METTL27: variants seen among roughly 807,000 people sequenced by gnomAD.
The protein encoded by METTL27 is methyltransferase-like protein 27.
METTL27 carries 29 observed loss-of-function variants against 24.5 expected under a neutral mutation model. The observed-to-expected ratio is 1.18, with a 90% CI of 0.88 to 1.61. The LOEUF is 1.61. Ranked by LOEUF, METTL27 falls within the 40% of genes most tolerant of loss-of-function variation. The probability of loss-of-function intolerance (pLI) is 0.00; values close to 1 mark genes in which losing one functional copy is unlikely to be tolerated. For missense variants in METTL27, 341 were observed against 324.3 expected (o/e 1.05, Z -0.40); for synonymous variants, 138 against 146.8 (o/e 0.94, Z 0.43).
At chr7:73,838,552 G>T (rs1441133909) in intron 5 of METTL27, among the ~76,000 whole-genome samples, 1 of 152,196 alleles carries the variant, frequency 6.6e-6, no homozygotes, top group Non-Finnish European at 1.5e-5. Context: ...GCAGGGTGTT[G>T]CTGATAGAAG....
chr7:73,839,993 G>T (rs1163835801), intron 5 of METTL27, 38 bp downstream of exon 5: 1 of 1,571,980 alleles, frequency 6.4e-7, no homozygotes, highest in Non-Finnish European at 8.7e-7. Context: ...GGTATATGGT[G>T]ACGGGGGTTG....
rs2130559437 is a variant in METTL27, at chr7:73,840,931, C to T, written c.252+139G>A. ...CTGCCTCGGCCTCCCATAGTGTGAG[C>T]CACAGTATGCCTGGTCCTGTCTCAT... On this transcript the variant is annotated intron_variant, in intron 3 of 5. Transcript: ENST00000297873. 3.8e-6 allele frequency: 5 copies of T among 1,299,324 alleles called. No individual in the cohort carries two copies. The South Asian group carries it at 5.7e-5, about 15-fold the overall frequency. 80.5% of individuals were successfully genotyped at this position (1,299,324 alleles called of 1,614,324 possible).
At chr7:73,838,666 C>T (rs781917232) in intron 5 of METTL27, among the ~76,000 whole-genome samples, 7 of 152,194 alleles carry the variant, frequency 4.6e-5, no homozygotes, top group African/African-American at 7.2e-5. Flanking sequence ...CTAGGAAGTC[C>T]GATCCTGGCT....
chr7:73,841,346 G>A, intron 2 of METTL27, 148 bp from the exon 3 acceptor site: 1 of 1,236,452 alleles, frequency 8.1e-7, no homozygotes, highest in Non-Finnish European at 1.1e-6. Flanking sequence ...GCCCAGGCAT[G>A]AGGTGCTTCC....
At position 73,841,201 on chromosome 7, in the gene METTL27, G is replaced by T; in HGVS notation, c.124-3C>A. ...CGGTACAGCAGGGTGGCCACATCCTGGGGAAAGAGTGCCGGGCCTACAACA... is the reference window on the plus strand; with the variant it reads ...CGGTACAGCAGGGTGGCCACATCCTTGGGAAAGAGTGCCGGGCCTACAACA... On this transcript the variant is annotated splice_polypyrimidine_tract_variant and splice_region_variant and intron_variant, in intron 2 of 5. Transcript: ENST00000297873. 2 of 1,557,934 alleles carry T rather than the reference G, an allele frequency of 1.3e-6. No homozygotes were observed. Among genetic ancestry groups the T allele is most frequent in the East Asian group, 2.5e-5 (1 of 40,018 alleles).
In METTL27 at chr7:73,842,052, T is replaced by C. The variant is rs201986858; in HGVS notation, c.89A>G (p.His30Arg). 4 of 1,613,962 alleles carry C rather than the reference T, an allele frequency of 2.5e-6. No homozygotes were observed. In the Admixed American group the frequency reaches 6.7e-5, roughly 27 times the overall value. The stretch of plus-strand genomic sequence containing the variant: ...GTCCGGAGCCCAGCGGTCATAGAAA[T>C]GGAGCTTTTGGGCCAGGTCGGGGAT... ...HGIPDLAQKL[H>R]FYDRWAPDYD... Residue 30 changes from histidine to arginine, a missense_variant, in exon 2 of 6, where the codon CAT becomes CGT. Coordinates refer to ENST00000297873, the MANE Select transcript of METTL27 (RefSeq NM_152559.3).
At chr7:73,839,639 G>C (rs1291800807) in intron 5 of METTL27, 2 of 186,410 alleles carry the variant, frequency 1.1e-5, no homozygotes, top group Non-Finnish European at 2.2e-5. Flanking sequence ...AGCAGTGAGA[G>C]GAAGGAACAG....
At chr7:73,840,807 C>T (rs1788332515) in intron 3 of METTL27, among the ~76,000 whole-genome samples, 1 of 152,144 alleles carries the variant, frequency 6.6e-6, no homozygotes, top group Admixed American at 6.5e-5. Flanking sequence ...TACAGGCGTG[C>T]ACCACCCTGC....
chr7:73,841,134 G>T lies in METTL27; in HGVS notation c.188C>A (p.Pro63Gln). The T allele has an allele frequency of 6.5e-7, 1 of 1,539,550 alleles. No homozygotes were observed. Among genetic ancestry groups the T allele is most frequent in the Non-Finnish European group, 8.7e-7 (1 of 1,153,268 alleles). ...GATCAGGGCACTGTGGGGCGGGCCT[G>T]GAAGGGCTTGTGTGAGGCAGTCCAC... Reference protein sequence around the residue: ...LAVDCLTQALPGPPHSALILD... With the variant: ...LAVDCLTQALQGPPHSALILD... Residue 63 changes from proline (P) to glutamine (Q), a missense_variant, in exon 3 of 6, where the codon CCA (proline) becomes CAA (glutamine). By Grantham distance (76) the Pro-to-Gln change is moderately conservative. Transcript: ENST00000297873.
Position 73,834,590 on chromosome 7 carries a change from T to C in METTL27, c.*153A>G. 1.5e-6 allele frequency: 1 copy of C among 667,264 alleles called. No individual in the cohort carries two copies. The highest frequency in any genetic ancestry group is 2.5e-6 in the Non-Finnish European group (1 of 394,500). The allele number at this position is 667,264 out of a possible 1,614,324, so 41.3% of individuals were successfully genotyped here. ...GAACCCACAGGAACAGATGCCACTGTTTTCTGGGAGCTCATTTAATAGGCA... is the reference window on the plus strand; with the variant it reads ...GAACCCACAGGAACAGATGCCACTGCTTTCTGGGAGCTCATTTAATAGGCA... On this transcript the variant is annotated 3_prime_UTR_variant, in exon 6 of 6. Transcript: ENST00000297873.
At position 73,834,948 on chromosome 7, in the gene METTL27, TC is replaced by T. The variant is rs781937867; in HGVS notation, c.532del (p.Glu178ArgfsTer66). 2 of 1,613,644 alleles carry T rather than the reference TC, an allele frequency of 1.2e-6. No homozygotes were observed. The highest frequency in any genetic ancestry group is 1.7e-6 in the Non-Finnish European group (2 of 1,179,936). On this transcript the variant is annotated frameshift_variant, in exon 6 of 6. Coordinates refer to ENST00000297873, the MANE Select transcript of METTL27 (RefSeq NM_152559.3). LOFTEE classifies it high-confidence loss of function. The stretch of plus-strand genomic sequence containing the variant: ...CCTGTCCAGGGTGGCCTCCAGAGCC[TC>T]CTTGTATTGAAGGTTGGACGAGTTG... ...RTNSSNLQYK[E>X]ALEATLDRLE...
chr7:73,841,743 G>C (rs554028396), intron 2 of METTL27, among the ~76,000 whole-genome samples: 4 of 152,262 alleles, frequency 2.6e-5, no homozygotes, highest in Non-Finnish European at 5.9e-5. Flanking sequence ...CTCCCAAAGG[G>C]CTTAGGATTA....
intron 5 of METTL27, among the ~76,000 whole-genome samples, chr7:73,838,247 G>T (rs188657435): frequency 2.6e-4 from 40 of 152,302 alleles, no homozygotes; most frequent in Admixed American, 2.4e-3. Context: ...GACTGTGTCT[G>T]AATGGACAGG....
chr7:73,836,516 A>AG (rs1788203254), intron 5 of METTL27, among the ~76,000 whole-genome samples: 1 of 54,278 alleles, frequency 1.8e-5, no homozygotes, highest in Non-Finnish European at 3.6e-5. Context: ...CAGCCGCCCC[A>AG]TCCGGGAGGG....
chr7:73,837,871 A>T (rs999749068), intron 5 of METTL27, among the ~76,000 whole-genome samples: 9 of 150,168 alleles, frequency 6.0e-5, no homozygotes, highest in Non-Finnish European at 8.9e-5. Context: ...CTTTCTTGAG[A>T]TAGGATCTCA....
At chr7:73,836,410 G>A (rs1554635265) in intron 5 of METTL27, among the ~76,000 whole-genome samples, 5 of 143,554 alleles carry the variant, frequency 3.5e-5, no homozygotes, top group East Asian at 2.2e-4. Context: ...AGGTGGGGGG[G>A]TCAGCCCCCC....
Position 73,842,135 on chromosome 7 carries a change from G to C in METTL27, c.6C>G (p.Ala2=), listed in dbSNP as rs1338505757. M[A]QEEGGSLPEV... is the part of the protein sequence containing the mutation. Reference sequence around the variant, plus strand: ...CGGGCAGGCTCCCACCCTCCTCCTGGGCCATGCTCCTGTGGGGACACCGTT... The same window carrying C: ...CGGGCAGGCTCCCACCCTCCTCCTGCGCCATGCTCCTGTGGGGACACCGTT... The change falls in exon 2 of 6, where the codon GCC becomes GCG. Residue 2 remains alanine, a synonymous_variant. Coordinates refer to ENST00000297873, the MANE Select transcript of METTL27 (RefSeq NM_152559.3). The C allele has an allele frequency of 2.5e-6, 4 of 1,610,196 alleles. No homozygotes were observed. The highest frequency in any genetic ancestry group is 2.7e-5 in the African/African-American group (2 of 74,838).
intron 5 of METTL27, among the ~76,000 whole-genome samples, chr7:73,836,386 C>T (rs1251519227): frequency 6.9e-6 from 1 of 144,372 alleles, no homozygotes; most frequent in Admixed American, 6.7e-5. Flanking sequence ...GGCCAGCCGC[C>T]CAGTCCGGGA....
intron 5 of METTL27, among the ~76,000 whole-genome samples, chr7:73,838,365 C>G (rs1187399321): frequency 6.6e-6 from 1 of 152,174 alleles, no homozygotes; most frequent in South Asian, 2.1e-4. Context: ...CACAGGAAGG[C>G]TGGTATGTGT....
Sources: gnomAD v4.1 joint callset for allele counts (sites outside exome capture counted in the v4.1 genomes callset) on GRCh38, gnomAD v4.1.1 for gene constraint, MANE v1.5 for transcripts, NCBI Gene and HGNC (gene_info 2026-07-23, HGNC 2026-07-21) for gene names.